The following TADA2A variants were observed in gnomAD, a reference collection of about 807,000 sequenced individuals.
The protein encoded by TADA2A is transcriptional adapter 2-alpha.
A neutral mutation model predicts 67.4 loss-of-function variants in TADA2A; 38 were observed. That is an observed-to-expected ratio of 0.56 (90% CI 0.44 to 0.74). TADA2A has a LOEUF of 0.74. Among genes scored for constraint, TADA2A ranks in the 30% least tolerant of loss-of-function variants. The probability of loss-of-function intolerance (pLI) is 0.00; values close to 1 mark genes in which losing one functional copy is unlikely to be tolerated. For missense variants in TADA2A, 454 were observed against 547.0 expected (o/e 0.83, Z 1.70); for synonymous variants, 192 against 181.6 (o/e 1.06, Z -0.46).
Position 37,437,759 on chromosome 17 carries a change from G to T in TADA2A, c.214G>T (p.Asp72Tyr). The change falls in exon 5 of 16, where the codon GAT becomes TAT. Residue 72 changes from aspartate to tyrosine, a missense_variant. This residue lies in a region of TADA2A where 403 missense variants were observed against 455.5 expected (regional missense o/e 0.88). Transcript: ENST00000615182. Reference protein sequence around the residue: ...EIMTSDFPVLDPSWTAQEEMA... With the variant: ...EIMTSDFPVLYPSWTAQEEMA... ...TTAGACTTCAGATTTTCCTGTCCTT[G>T]ATCCCAGCTGGACTGCTCAAGAAGA... The T allele has an allele frequency of 6.2e-7, 1 of 1,614,112 alleles. No individual in the cohort carries two copies. Among genetic ancestry groups the T allele is most frequent in the Non-Finnish European group, 8.5e-7 (1 of 1,180,008 alleles).
At position 37,479,398 on chromosome 17, in the gene TADA2A, A is replaced by G. The variant is rs2053946825; in HGVS notation, c.*2416A>G. ...CATGAGGAAAATGGCATGGTTGAAA[A>G]TAGTAATAGAAAAATAAGACTGAAG... On this transcript the variant is annotated 3_prime_UTR_variant, in exon 16 of 16. Transcript: ENST00000615182. The G allele has an allele frequency of 6.6e-6, 1 of 152,204 alleles. No homozygotes were observed. The allele number at this position is 152,204 out of a possible 1,614,324, so 9.4% of individuals were successfully genotyped here.
chr17:37,478,335 G>A lies in TADA2A; in HGVS notation c.*1353G>A, dbSNP rs1042565703. Reference sequence around the variant, plus strand: ...AGGTGTTGGATGCCTGCCCCATCACGCTGCACTGTCTGCTGTCACATGTGT... The same window carrying A: ...AGGTGTTGGATGCCTGCCCCATCACACTGCACTGTCTGCTGTCACATGTGT... On this transcript the variant is annotated 3_prime_UTR_variant, in exon 16 of 16. Coordinates refer to ENST00000615182, the MANE Select transcript of TADA2A (RefSeq NM_001166105.3). 1.3e-5 allele frequency: 2 copies of A among 152,136 alleles called. No individual in the cohort carries two copies. Among genetic ancestry groups the A allele is most frequent in the African/African-American group, 2.4e-5 (1 of 41,422 alleles). The allele number at this position is 152,136 out of a possible 1,614,324, so 9.4% of individuals were successfully genotyped here. A position where few individuals can be genotyped will look rare whatever the true frequency, so the allele number is the denominator to read the frequency against.
intron 4 of TADA2A, among the ~76,000 whole-genome samples, chr17:37,427,864 C>G (rs938810864): frequency 1.1e-4 from 16 of 152,008 alleles, no homozygotes; most frequent in African/African-American, 3.9e-4. Context: ...CACCTGTAGT[C>G]TCAGCTACTT....
chr17:37,432,925 A>ATTTTTTTT (rs1046006991), intron 4 of TADA2A, among the ~76,000 whole-genome samples: 15 of 52,202 alleles, frequency 2.9e-4, no homozygotes, highest in African/African-American at 1.1e-3. Context: ...TGGTATTACA[A>ATTTTTTTT]TTTTTTTTTT....
intron 8 of TADA2A, among the ~76,000 whole-genome samples, chr17:37,447,679 C>T (rs1015253965): frequency 2.0e-5 from 3 of 152,166 alleles, no homozygotes; most frequent in Admixed American, 6.5e-5. Flanking sequence ...GAATGACTTG[C>T]TCATGCCACA....
chr17:37,444,686 C>T lies in TADA2A; in HGVS notation c.532-10C>T, dbSNP rs1335926704. ...GTTTGGGGTGGGGATTTTTTTGTTC[C>T]CCTAAACAGGAATTTGACAATTATG... On this transcript the variant is annotated splice_polypyrimidine_tract_variant and intron_variant, in intron 7 of 15. Coordinates refer to ENST00000615182, the MANE Select transcript of TADA2A (RefSeq NM_001166105.3). 1.9e-6 allele frequency: 3 copies of T among 1,612,938 alleles called. No homozygotes were observed. The highest frequency in any genetic ancestry group is 2.2e-5 in the East Asian group (1 of 44,822).
At chr17:37,455,433 G>C (rs2053363767) in intron 8 of TADA2A, among the ~76,000 whole-genome samples, 1 of 151,820 alleles carries the variant, frequency 6.6e-6, no homozygotes, top group Admixed American at 6.6e-5. Context: ...CCAGGCTGGA[G>C]TGCAGTGGCG....
intron 4 of TADA2A, among the ~76,000 whole-genome samples, chr17:37,427,879 G>A (rs1239740096): frequency 1.3e-5 from 2 of 151,970 alleles, no homozygotes; most frequent in African/African-American, 2.4e-5. Flanking sequence ...CTACTTGGGC[G>A]TCTGAGGCAG....
intron 14 of TADA2A, among the ~76,000 whole-genome samples, chr17:37,474,193 C>T (rs780119710): frequency 6.6e-6 from 1 of 152,038 alleles, no homozygotes; most frequent in Non-Finnish European, 1.5e-5. Flanking sequence ...GAGCTATGAT[C>T]GCAACACTGC....
chr17:37,479,660 T>C lies in TADA2A; in HGVS notation c.*2678T>C, dbSNP rs1278535569. The C allele has an allele frequency of 6.6e-6, 1 of 152,210 alleles. No homozygotes were observed. The highest frequency in any genetic ancestry group is 2.4e-5 in the African/African-American group (1 of 41,456). 9.4% of individuals were successfully genotyped at this position (152,210 alleles called of 1,614,324 possible). On this transcript the variant is annotated 3_prime_UTR_variant, in exon 16 of 16. Coordinates refer to ENST00000615182, the MANE Select transcript of TADA2A (RefSeq NM_001166105.3). ...TTATTGCAATTTAACGTTAAAAGTT[T>C]CTGCTGGAGTTTTATGCATATTTTT...
At position 37,470,414 on chromosome 17, in the gene TADA2A, G is replaced by T; in HGVS notation, c.910G>T (p.Asp304Tyr). 1.9e-6 allele frequency: 3 copies of T among 1,613,584 alleles called. No individual in the cohort carries two copies. Among genetic ancestry groups the T allele is most frequent in the Non-Finnish European group, 2.5e-6 (3 of 1,179,842 alleles). The part of the protein sequence containing the change: ...ITNFCSARTY[D>Y]HLKKTREEER... The stretch of plus-strand genomic sequence containing the variant: ...TATACCCCCAGGTGCCAGAACCTAC[G>T]ATCACCTCAAGAAGACACGGGAGGA... The change falls in exon 13 of 16, where the codon GAT becomes TAT. Residue 304 changes from aspartate (D) to tyrosine (Y), a missense_variant. Coordinates refer to ENST00000615182, the MANE Select transcript of TADA2A (RefSeq NM_001166105.3).
intron 2 of TADA2A, among the ~76,000 whole-genome samples, chr17:37,421,062 C>T (rs1045886772): frequency 6.8e-6 from 1 of 146,586 alleles, no homozygotes; most frequent in Non-Finnish European, 1.5e-5. Context: ...GTGTTATGTA[C>T]TTACCATGGG....
At chr17:37,472,466 A>G (rs1482091162) in intron 14 of TADA2A, among the ~76,000 whole-genome samples, 2 of 152,166 alleles carry the variant, frequency 1.3e-5, no homozygotes, top group African/African-American at 4.8e-5. Context: ...GGGAGTGGCT[A>G]AGACAGTGAA....
intron 12 of TADA2A, among the ~76,000 whole-genome samples, chr17:37,469,440 C>A (rs552675961): frequency 6.6e-6 from 1 of 151,690 alleles, no homozygotes. Context: ...TCAAGACCAG[C>A]CTGACCAACA....
Position 37,441,780 on chromosome 17 carries a change from C to T in TADA2A, c.443-784C>T, listed in dbSNP as rs530552375. Among the ~76,000 whole-genome samples the T allele has an allele frequency of 2.2e-3, 333 of 151,970 alleles. 1 individual carries two copies. The highest frequency in any genetic ancestry group is 7.6e-3 in the African/African-American group (317 of 41,448). Reference sequence around the variant, plus strand: ...CTCCAGGGTTCAAACGATTCTCGTGCCTCAGCCTCCTGAGTAGCTGGTACC... The same window carrying T: ...CTCCAGGGTTCAAACGATTCTCGTGTCTCAGCCTCCTGAGTAGCTGGTACC... On this transcript the variant is annotated intron_variant, in intron 6 of 15. Transcript: ENST00000615182.
intron 1 of TADA2A, chr17:37,408,506 C>T (rs1033857368): frequency 1.3e-5 from 2 of 152,352 alleles, no homozygotes; most frequent in African/African-American, 4.8e-5. Context: ...CTGCCTCGGC[C>T]TGCTAAAGTG....
intron 8 of TADA2A, among the ~76,000 whole-genome samples, chr17:37,447,214 C>T (rs1432290784): frequency 6.6e-6 from 1 of 152,128 alleles, no homozygotes; most frequent in Non-Finnish European, 1.5e-5. Flanking sequence ...CAGGCGGGAG[C>T]GCAGTAGCGT....
chr17:37,424,500 G>T (rs1384894166), intron 3 of TADA2A, among the ~76,000 whole-genome samples: 1 of 151,490 alleles, frequency 6.6e-6, no homozygotes, highest in Non-Finnish European at 1.5e-5. Flanking sequence ...GGGCGACAGA[G>T]CAAGACTCTG....
At position 37,421,188 on chromosome 17, in the gene TADA2A, G is replaced by A. The variant is rs75898779; in HGVS notation, c.26-2321G>A. On this transcript the variant is annotated intron_variant, in intron 2 of 15. Transcript: ENST00000615182. ...GGCAGGAGGACTTCTTAAGACCAGTGTGGGCAACACAGTGAGACCCTGTCT... is the reference window on the plus strand; with the variant it reads ...GGCAGGAGGACTTCTTAAGACCAGTATGGGCAACACAGTGAGACCCTGTCT... Among the ~76,000 whole-genome samples, 934 of 146,314 alleles carry A rather than the reference G, an allele frequency of 6.4e-3. 68 individuals are homozygous for A. The highest frequency in any genetic ancestry group is 0.02 in the African/African-American group (802 of 40,496).
Sources: allele counts gnomAD v4.1 joint callset (sites outside exome capture counted in the v4.1 genomes callset), GRCh38; gene constraint gnomAD v4.1.1; regional missense constraint gnomAD v4.1.1; transcripts MANE v1.5; gene names NCBI Gene and HGNC (gene_info 2026-07-23, HGNC 2026-07-21).